ABCB1: variants seen among roughly 807,000 people sequenced by gnomAD.
The protein encoded by ABCB1 is ATP-dependent translocase ABCB1.
In ABCB1, 69 loss-of-function variants were observed where a neutral mutation model predicts 142.0. The observed-to-expected ratio is 0.49, with a 90% CI of 0.40 to 0.59. The LOEUF (loss-of-function observed/expected upper bound fraction) is 0.59. Among genes scored for constraint, ABCB1 ranks in the 20% least tolerant of loss-of-function variants. ABCB1 has a pLI of 0.00. For synonymous variants in ABCB1, 532 were observed against 539.2 expected, an observed-to-expected ratio of 0.99 and a Z score of 0.18; for missense variants, 1,326 against 1,554.7, an observed-to-expected ratio of 0.85 and a Z score of 2.47.
intron 7 of ABCB1, among the ~76,000 whole-genome samples, chr7:87,564,889 T>A (rs1484332996): frequency 6.6e-6 from 1 of 152,214 alleles, no homozygotes; most frequent in Non-Finnish European, 1.5e-5. Context: ...AATACTGATG[T>A]GAAGAGTTTG....
chr7:87,631,555 T>A (rs1181974967), intron 1 of ABCB1, among the ~76,000 whole-genome samples: 1 of 152,156 alleles, frequency 6.6e-6, no homozygotes, highest in Non-Finnish European at 1.5e-5. Flanking sequence ...CACGCCCGGC[T>A]AATTTTTTGT....
chr7:87,606,312 TTAAA>T (rs1244707411), intron 1 of ABCB1, among the ~76,000 whole-genome samples: 4 of 151,622 alleles, frequency 2.6e-5, no homozygotes, highest in African/African-American at 4.8e-5. Flanking sequence ...CTCACAAGAG[TTAAA>T]TAAACAAGTA....
chr7:87,626,275 A>C (rs1438665550), intron 1 of ABCB1, among the ~76,000 whole-genome samples: 2 of 63,770 alleles, frequency 3.1e-5, no homozygotes, highest in Non-Finnish European at 5.6e-5. Context: ...TATATGTGTC[A>C]TATATATGTG....
intron 1 of ABCB1, among the ~76,000 whole-genome samples, chr7:87,693,543 C>T (rs1190478700): frequency 6.6e-6 from 1 of 152,048 alleles, no homozygotes; most frequent in Non-Finnish European, 1.5e-5. Flanking sequence ...TGAGGTGCAT[C>T]GCCAGCAAGT....
intron 21 of ABCB1, among the ~76,000 whole-genome samples, chr7:87,531,043 G>C (rs1816034719): frequency 6.6e-6 from 1 of 152,016 alleles, no homozygotes; most frequent in Admixed American, 6.6e-5. Flanking sequence ...GAGGAAGGAA[G>C]AACAGTGTGA....
At chr7:87,656,510 A>G (rs1323934444) in intron 1 of ABCB1, among the ~76,000 whole-genome samples, 1 of 151,984 alleles carries the variant, frequency 6.6e-6, no homozygotes, top group Non-Finnish European at 1.5e-5. Flanking sequence ...AAGAGAAAAT[A>G]TCAAGGTTTG....
At chr7:87,583,141 G>T (rs942948749) in intron 4 of ABCB1, among the ~76,000 whole-genome samples, 1 of 152,158 alleles carries the variant, frequency 6.6e-6, no homozygotes, top group Non-Finnish European at 1.5e-5. Flanking sequence ...GAACATGAAA[G>T]CCTGTTGATA....
chr7:87,596,492 T>A (rs1418028806), intron 2 of ABCB1, among the ~76,000 whole-genome samples: 1 of 152,122 alleles, frequency 6.6e-6, no homozygotes, highest in Non-Finnish European at 1.5e-5. Context: ...AGGTCAACTA[T>A]TATTTTGAGC....
intron 4 of ABCB1, among the ~76,000 whole-genome samples, chr7:87,574,178 G>T (rs1818180506): frequency 6.6e-6 from 1 of 152,150 alleles, no homozygotes; most frequent in South Asian, 2.1e-4. Context: ...CTTTAGAACA[G>T]CTTCCAAGAA....
At chr7:87,711,264 T>C (rs6974534) in intron 1 of ABCB1, among the ~76,000 whole-genome samples, 1,927 of 152,092 alleles carry the variant, frequency 0.013, 39 homozygotes, top group African/African-American at 0.044. Flanking sequence ...AGGCAGAGGT[T>C]GTGGAGAGCC....
chr7:87,506,491 C>T (rs1814752620), intron 26 of ABCB1, among the ~76,000 whole-genome samples: 1 of 152,158 alleles, frequency 6.6e-6, no homozygotes, highest in African/African-American at 2.4e-5. Flanking sequence ...GGATATCAGC[C>T]TTTTAGTGTC....
At chr7:87,626,511 T>TATATATGTGTCATATATGTGTC (rs1563081126) in intron 1 of ABCB1, among the ~76,000 whole-genome samples, 1 of 6,436 alleles carries the variant, frequency 1.6e-4, no homozygotes, top group Non-Finnish European at 2.3e-4. Context: ...ATATGTGTCA[T>TATATATGTGTCATATATGTGTC]ATATATGTGT....
chr7:87,637,936 T>G (rs1821965318), intron 1 of ABCB1, among the ~76,000 whole-genome samples: 1 of 152,120 alleles, frequency 6.6e-6, no homozygotes, highest in Admixed American at 6.5e-5. Context: ...AATGCAGTGT[T>G]GCAGAAAACG....
chr7:87,540,498 T>C (rs1024895186), intron 18 of ABCB1, among the ~76,000 whole-genome samples: 2 of 152,252 alleles, frequency 1.3e-5, no homozygotes, highest in African/African-American at 4.8e-5. Flanking sequence ...TGGAGTGCAG[T>C]GGCACGATCA....
rs41297351 is a variant in ABCB1, at chr7:87,608,921, T to C, written c.-330-7843A>G. Among the ~76,000 whole-genome samples, 4 of 152,322 alleles carry C rather than the reference T, an allele frequency of 2.6e-5. No individual in the cohort carries two copies. The East Asian group carries it at 7.7e-4, about 29-fold the overall frequency. ...AGTTAGGAAATATTTTATTTTAAAT[T>C]TGTATTGGAAACTCATTCATTCACT... On this transcript the variant is annotated intron_variant, in intron 1 of 28. Coordinates refer to the ABCB1 transcript ENST00000265724.
At position 87,573,160 on chromosome 7, in the gene ABCB1, G is replaced by C. The variant is rs1018918878; in HGVS notation, c.287-2937C>G. 3.3e-5 allele frequency among the ~76,000 whole-genome samples: 5 copies of C among 152,186 alleles called. No homozygotes were observed. In the South Asian group the frequency reaches 6.2e-4, roughly 19 times the overall value. On this transcript the variant is annotated intron_variant, in intron 4 of 27. Coordinates refer to ENST00000622132, the MANE Select transcript of ABCB1 (RefSeq NM_001348946.2). ...GGCAGAAGGCAAAGGAGGGGCAAAG[G>C]CATGTCTTACATGACGACAGTCAAG...
chr7:87,683,818 A>G (rs1285536111), intron 1 of ABCB1, among the ~76,000 whole-genome samples: 3 of 152,230 alleles, frequency 2.0e-5, no homozygotes, highest in African/African-American at 7.2e-5. Flanking sequence ...GCTGGATGCA[A>G]GGTTGACACA....
At chr7:87,623,718 T>G (rs1820308939) in intron 1 of ABCB1, among the ~76,000 whole-genome samples, 1 of 152,200 alleles carries the variant, frequency 6.6e-6, no homozygotes. Context: ...AAAGCAATTT[T>G]CATACATTTT....
chr7:87,575,417 T>C (rs1388601723), intron 4 of ABCB1, among the ~76,000 whole-genome samples: 1 of 152,118 alleles, frequency 6.6e-6, no homozygotes, highest in East Asian at 1.9e-4. Context: ...CTTTCTCTAA[T>C]ATCATCGGAT....
Sources: allele counts gnomAD v4.1 joint callset (sites outside exome capture counted in the v4.1 genomes callset), GRCh38; gene constraint gnomAD v4.1.1; transcripts MANE v1.5; gene names NCBI Gene and HGNC (gene_info 2026-07-23, HGNC 2026-07-21).